Variants in IL17RC observed in about 807,000 individuals in gnomAD.
The protein encoded by IL17RC is interleukin 17 receptor C.
In IL17RC, 53 loss-of-function variants were observed where a neutral mutation model predicts 86.7. The observed-to-expected ratio is 0.61, with a 90% CI of 0.49 to 0.77. The LOEUF (loss-of-function observed/expected upper bound fraction) is 0.77. Ranked by LOEUF, IL17RC falls within the 30% of genes least tolerant of loss-of-function variation. IL17RC has a pLI of 0.00. For synonymous variants in IL17RC, 439 were observed against 413.1 expected, an observed-to-expected ratio of 1.06 and a Z score of -0.76; for missense variants, 957 against 940.0, an observed-to-expected ratio of 1.02 and a Z score of -0.24.
In IL17RC at chr3:9,930,626, C is replaced by A; in HGVS notation, c.1338+167C>A. 1.4e-6 allele frequency: 1 copy of A among 728,228 alleles called. No individual in the cohort carries two copies. Among genetic ancestry groups the A allele is most frequent in the Non-Finnish European group, 2.3e-6 (1 of 433,480 alleles). The allele number at this position is 728,228 out of a possible 1,614,324, so 45.1% of individuals were successfully genotyped here. A position where few individuals can be genotyped will look rare whatever the true frequency, so the allele number is the denominator to read the frequency against. The stretch of plus-strand genomic sequence containing the variant: ...AAGGAGCACACTGTTGGCTAGACAC[C>A]CATAAACAGATAACCACACCTACAG... On this transcript the variant is annotated intron_variant, in intron 15 of 18. Transcript: ENST00000403601. The surrounding 1 kb of genome is among the most constrained non-coding windows in gnomAD (Gnocchi z 5.8).
At chr3:9,922,186 C>T (rs189848607) in intron 7 of IL17RC, among the ~76,000 whole-genome samples, 15 of 150,062 alleles carry the variant, frequency 1.0e-4, no homozygotes, top group African/African-American at 3.2e-4. Flanking sequence ...CTCCTGACCT[C>T]GTGATCCTCC....
At position 9,918,086 on chromosome 3, in the gene IL17RC, C is replaced by T. The variant is rs971208855; in HGVS notation, c.280+11C>T. ...ACTTGGCCGTGCATGGTGAGCAAGTCATCCTGTGACAGTGCATGTGTACAC... is the reference window on the plus strand; with the variant it reads ...ACTTGGCCGTGCATGGTGAGCAAGTTATCCTGTGACAGTGCATGTGTACAC... On this transcript the variant is annotated intron_variant, in intron 3 of 18. Coordinates refer to ENST00000403601, the MANE Select transcript of IL17RC (RefSeq NM_153460.4). 2.2e-5 allele frequency: 35 copies of T among 1,563,792 alleles called. No individual in the cohort carries two copies. The highest frequency in any genetic ancestry group is 3.0e-5 in the Non-Finnish European group (35 of 1,153,976).
Position 9,929,441 on chromosome 3 carries a change from A to G in IL17RC, c.1111-411A>G, listed in dbSNP as rs942328790. Reference sequence around the variant, plus strand: ...CTACCCTCATAGAACTTATATTGTAATGGAGAAAGGCAGGCAACAGACATT... The same window carrying G: ...CTACCCTCATAGAACTTATATTGTAGTGGAGAAAGGCAGGCAACAGACATT... On this transcript the variant is annotated intron_variant, in intron 12 of 18. Coordinates refer to ENST00000403601, the MANE Select transcript of IL17RC (RefSeq NM_153460.4). The G allele has an allele frequency of 2.8e-5, 6 of 216,308 alleles. No homozygotes were observed. In the East Asian group the frequency reaches 6.8e-4, roughly 24 times the overall value. 13.4% of individuals were successfully genotyped at this position (216,308 alleles called of 1,614,324 possible). A position where few individuals can be genotyped will look rare whatever the true frequency, so the allele number is the denominator to read the frequency against.
At chr3:9,921,464 A>G (rs2083542054) in intron 7 of IL17RC, among the ~76,000 whole-genome samples, 1 of 151,638 alleles carries the variant, frequency 6.6e-6, no homozygotes, top group Non-Finnish European at 1.5e-5. Context: ...CAAAAAACAA[A>G]ACAAAACAAA....
intron 2 of IL17RC, 46 bp downstream of exon 2, chr3:9,917,780 G>T: frequency 1.9e-6 from 3 of 1,612,594 alleles, no homozygotes; most frequent in Non-Finnish European, 2.5e-6. Context: ...TTGGCCGAAG[G>T]GAGCAGAGCT....
intron 5 of IL17RC, chr3:9,919,124 C>G (rs2083337034): frequency 6.6e-6 from 1 of 152,096 alleles, no homozygotes; most frequent in Non-Finnish European, 1.5e-5. Flanking sequence ...CTGTATTGTT[C>G]CAGTTGTAGT....
In IL17RC at chr3:9,932,706, G is replaced by A; in HGVS notation, c.1483+3G>A. On this transcript the variant is annotated splice_donor_region_variant and intron_variant, in intron 17 of 18. Coordinates refer to ENST00000403601, the MANE Select transcript of IL17RC (RefSeq NM_153460.4). The stretch of plus-strand genomic sequence containing the variant: ...TCTCAAAAAGGATCACGCGAAAGGT[G>A]AGCGCTTCCCGGCTCCCCATTCCCC... The A allele has an allele frequency of 4.3e-6, 7 of 1,614,144 alleles. No individual in the cohort carries two copies. The highest frequency in any genetic ancestry group is 5.9e-6 in the Non-Finnish European group (7 of 1,180,000).
Position 9,933,562 on chromosome 3 carries a change from G to A in IL17RC, c.2132G>A (p.Gly711Asp), listed in dbSNP as rs751133745. The A allele has an allele frequency of 6.2e-7, 1 of 1,605,772 alleles. No individual in the cohort carries two copies. The highest frequency in any genetic ancestry group is 8.5e-7 in the Non-Finnish European group (1 of 1,176,468). ...GCGCCGGGACGCGGGGTGGGACCAG[G>A]CGCGGGACCTGGGGCGGGGGACGGG... ...TPAPGRGVGP[G>D]AGPGAGDGT Residue 711 changes from glycine (G) to aspartate (D), a missense_variant, in exon 19 of 19, where the codon GGC becomes GAC. Gly to Asp is a moderately conservative substitution (Grantham distance 94). Coordinates refer to ENST00000403601, the MANE Select transcript of IL17RC (RefSeq NM_153460.4).
rs1483321762 is a variant in IL17RC at position 9,933,611 on chromosome 3, T to C, written c.*18T>C. 1.3e-6 allele frequency: 2 copies of C among 1,557,170 alleles called. No homozygotes were observed. The highest frequency in any genetic ancestry group is 4.5e-5 in the East Asian group (2 of 44,050). ...GGACTTAAATAAAGGCAGACGCTGTTTTTCTACCCATGTGGCCCACACGCG... is the reference window on the plus strand; with the variant it reads ...GGACTTAAATAAAGGCAGACGCTGTCTTTCTACCCATGTGGCCCACACGCG... On this transcript the variant is annotated 3_prime_UTR_variant, in exon 19 of 19. Coordinates refer to ENST00000403601, the MANE Select transcript of IL17RC (RefSeq NM_153460.4).
Position 9,931,453 on chromosome 3 carries a change from T to TCACACACA in IL17RC, c.1387+521_1387+528dup, listed in dbSNP as rs201407577. On this transcript the variant is annotated intron_variant, in intron 16 of 18. Transcript: ENST00000403601. ...AGCTACGATCAAATTTTTATATATTTCACACACACACACACACATATATAT... is the reference window on the plus strand; with the variant it reads ...AGCTACGATCAAATTTTTATATATTTCACACACACACACACACACACACACATATATAT... 1.4e-3 allele frequency among the ~76,000 whole-genome samples: 63 copies of TCACACACA among 44,914 alleles called. 1 individual carries two copies. Among genetic ancestry groups the TCACACACA allele is most frequent in the South Asian group, 4.6e-3 (6 of 1,308 alleles). 29.5% of individuals were successfully genotyped at this position (44,914 alleles called of 152,430 possible).
chr3:9,928,132 A>G (rs1434417065), intron 9 of IL17RC, 34 bp from the exon 10 acceptor site: 3 of 1,604,404 alleles, frequency 1.9e-6, no homozygotes, highest in Non-Finnish European at 2.6e-6. Flanking sequence ...ATGCCCATGG[A>G]GGGGACCTGA....
chr3:9,921,083 TATTCATTC>T (rs34198416), intron 7 of IL17RC, 114 bp downstream of exon 7: 60 of 571,122 alleles, frequency 1.1e-4, no homozygotes, highest in South Asian at 1.7e-4. Context: ...TCACAGAACA[TATTCATTC>T]ATTCATTCAT....
intron 12 of IL17RC, 59 bp from the exon 13 acceptor site, chr3:9,929,793 C>A: frequency 6.2e-7 from 1 of 1,601,250 alleles, no homozygotes; most frequent in East Asian, 2.2e-5. Context: ...CCATTCTGGT[C>A]TTTCTGCCTT....
At position 9,918,054 on chromosome 3, in the gene IL17RC, G is replaced by A; in HGVS notation, c.259G>A (p.Ala87Thr). Residue 87 changes from alanine to threonine, a missense_variant, in exon 3 of 19, where the codon GCT becomes ACT. Physicochemically the swap from Ala to Thr is moderately conservative, Grantham distance 58 (BLOSUM62 0). Coordinates refer to ENST00000403601, the MANE Select transcript of IL17RC (RefSeq NM_153460.4). ...ETDCDLCLRV[A>T]VHLAVHGHWE... Reference sequence around the variant, plus strand: ...CGACTGTGACCTCTGTCTGCGTGTGGCTGTCCACTTGGCCGTGCATGGTGA... The same window carrying A: ...CGACTGTGACCTCTGTCTGCGTGTGACTGTCCACTTGGCCGTGCATGGTGA... The A allele has an allele frequency of 6.3e-7, 1 of 1,589,800 alleles. No individual in the cohort carries two copies. Among genetic ancestry groups the A allele is most frequent in the Admixed American group, 1.8e-5 (1 of 55,620 alleles).
At chr3:9,920,260 T>A in intron 5 of IL17RC, 2 of 469,838 alleles carry the variant, frequency 4.3e-6, no homozygotes, top group South Asian at 5.4e-5. Context: ...GGGATTTAAA[T>A]GTCTAGGGCC....
Position 9,933,058 on chromosome 3 carries a change from G to A in IL17RC, c.1628G>A (p.Arg543His), listed in dbSNP as rs776236793. 5.2e-6 allele frequency: 8 copies of A among 1,546,912 alleles called. No homozygotes were observed. The highest frequency in any genetic ancestry group is 2.3e-5 in the East Asian group (1 of 44,220). Residue 543 changes from arginine to histidine, a missense_variant, in exon 19 of 19, where the codon CGC becomes CAC. By Grantham distance (29) the Arg-to-His change is conservative (BLOSUM62 0). Coordinates refer to ENST00000403601, the MANE Select transcript of IL17RC (RefSeq NM_153460.4). ...TCGGCCCTGTGCCAGCTGCCGCTGC[G>A]CGTGGCCGTAGACCTGTGGAGCCGT... Reference protein sequence around the residue: ...LASALCQLPLRVAVDLWSRRE... With the variant: ...LASALCQLPLHVAVDLWSRRE...
intron 12 of IL17RC, chr3:9,929,612 C>T (rs530889467): frequency 1.9e-5 from 11 of 573,780 alleles, no homozygotes; most frequent in African/African-American, 1.1e-4. Context: ...AACCATGCTC[C>T]GTAAGACATA....
In IL17RC at chr3:9,932,659, C is replaced by T. The variant is rs151155686; in HGVS notation, c.1439C>T (p.Ala480Val). ...TGGCTGGCCTGCCTACTCTTTGCCG[C>T]TGCGCTTTCCCTCATCCTCCTTCTC... ...LVWLACLLFA[A>V]ALSLILLLKK... The change falls in exon 17 of 19, where the codon GCT becomes GTT. Residue 480 changes from alanine to valine, a missense_variant. By Grantham distance (64) the Ala-to-Val change is moderately conservative. Coordinates refer to ENST00000403601, the MANE Select transcript of IL17RC (RefSeq NM_153460.4). 5.8e-5 allele frequency: 94 copies of T among 1,614,134 alleles called. No individual in the cohort carries two copies. Among genetic ancestry groups the T allele is most frequent in the Middle Eastern group, 3.3e-4 (2 of 6,084 alleles).
rs553802461 is a variant in IL17RC, at chr3:9,928,281, G to A, written c.878-24G>A. On this transcript the variant is annotated intron_variant, in intron 10 of 18. Coordinates refer to ENST00000403601, the MANE Select transcript of IL17RC (RefSeq NM_153460.4). ...TGCGAGCGATGGGTACCTGGCCTGC[G>A]GTGACTGTGCCCTTTCCTTGCAGAC... 2.7e-5 allele frequency: 43 copies of A among 1,612,582 alleles called. No homozygotes were observed. In the Admixed American group the frequency reaches 2.7e-4, roughly 10 times the overall value.
Sources: gnomAD v4.1 joint callset for allele counts (sites outside exome capture counted in the v4.1 genomes callset) on GRCh38, gnomAD v4.1.1 for gene constraint, Gnocchi (gnomAD v3.1) non-coding constraint, MANE v1.5 for transcripts, NCBI Gene and HGNC (gene_info 2026-07-23, HGNC 2026-07-21) for gene names.